CALN1: variants seen among roughly 807,000 people sequenced by gnomAD.
CALN1 encodes the protein calcium-binding protein 8.
Under a neutral mutation model 30.6 loss-of-function variants are expected in CALN1, and 17 were observed. That is an observed-to-expected ratio of 0.56 (90% CI 0.38 to 0.83). The LOEUF (loss-of-function observed/expected upper bound fraction) is 0.83. Ranked by LOEUF, CALN1 falls within the 40% of genes least tolerant of loss-of-function variation. The pLI, the probability that CALN1 is intolerant of heterozygous loss-of-function variation, is 0.00. For synonymous variants in CALN1, 156 were observed against 131.4 expected, an observed-to-expected ratio of 1.19 and a Z score of -1.28; for missense variants, 291 against 354.9, an observed-to-expected ratio of 0.82 and a Z score of 1.45.
chr7:72,319,271 C>T lies in CALN1; in HGVS notation c.120-40461G>A, dbSNP rs536075105. Reference sequence around the variant, plus strand: ...AAAAGAAAGAGGTTCCACAGACTCACGGTTCCACATGGCTGGGGAGGCCTC... The same window carrying T: ...AAAAGAAAGAGGTTCCACAGACTCATGGTTCCACATGGCTGGGGAGGCCTC... On this transcript the variant is annotated intron_variant, in intron 2 of 6. Coordinates refer to ENST00000395275, the MANE Select transcript of CALN1 (RefSeq NM_031468.4). Among the ~76,000 whole-genome samples the T allele has an allele frequency of 7.7e-4, 117 of 152,264 alleles. 1 individual carries two copies. Among genetic ancestry groups the T allele is most frequent in the African/African-American group, 2.5e-3 (105 of 41,552 alleles).
chr7:71,957,243 T>C (rs549024467), intron 5 of CALN1, among the ~76,000 whole-genome samples: 3 of 152,176 alleles, frequency 2.0e-5, no homozygotes, highest in Non-Finnish European at 4.4e-5. Flanking sequence ...TCAGAAAGAT[T>C]GATAGGAGGT....
At chr7:71,792,408 T>A (rs1261871190) in intron 6 of CALN1, among the ~76,000 whole-genome samples, 1 of 152,166 alleles carries the variant, frequency 6.6e-6, no homozygotes, top group Non-Finnish European at 1.5e-5. Context: ...ATCCACTGAT[T>A]TCTGCTTCCC....
intron 6 of CALN1, among the ~76,000 whole-genome samples, chr7:71,793,219 T>C (rs1431428393): frequency 6.6e-6 from 1 of 152,012 alleles, no homozygotes; most frequent in Admixed American, 6.5e-5. Context: ...GGCAGGAGAA[T>C]TGCTTGAACC....
intron 5 of CALN1, among the ~76,000 whole-genome samples, chr7:71,903,415 T>C (rs1562886809): frequency 1.3e-5 from 2 of 152,192 alleles, no homozygotes; most frequent in Admixed American, 6.5e-5. Flanking sequence ...TACAGCCAAC[T>C]GATTTTTGAC....
At chr7:72,405,774 C>T (rs1806654606) in intron 1 of CALN1, among the ~76,000 whole-genome samples, 1 of 152,138 alleles carries the variant, frequency 6.6e-6, no homozygotes, top group Admixed American at 6.5e-5. Context: ...ATGGCAGTCC[C>T]CAGCACCATG....
intron 5 of CALN1, among the ~76,000 whole-genome samples, chr7:71,823,897 T>G (rs960463958): frequency 6.6e-6 from 1 of 152,078 alleles, no homozygotes; most frequent in Non-Finnish European, 1.5e-5. Context: ...AGAGAACTTG[T>G]GCAAAGGGAC....
intron 3 of CALN1, among the ~76,000 whole-genome samples, chr7:72,225,228 G>A (rs1482505917): frequency 1.3e-5 from 2 of 151,940 alleles, no homozygotes; most frequent in Non-Finnish European, 2.9e-5. Flanking sequence ...CGGCTTTCAC[G>A]TCTCTTCCTC....
intron 3 of CALN1, among the ~76,000 whole-genome samples, chr7:72,163,431 T>C (rs1213591136): frequency 3.1e-5 from 4 of 130,526 alleles, no homozygotes; most frequent in Non-Finnish European, 5.0e-5. Flanking sequence ...TGTCACATAG[T>C]GGAAAACACA....
At chr7:72,315,753 A>G (rs1585458511) in intron 2 of CALN1, among the ~76,000 whole-genome samples, 1 of 152,264 alleles carries the variant, frequency 6.6e-6, no homozygotes, top group Non-Finnish European at 1.5e-5. Flanking sequence ...AGACATTGGT[A>G]AGGATGGATA....
intron 5 of CALN1, among the ~76,000 whole-genome samples, chr7:72,012,066 T>C (rs1271579733): frequency 6.6e-6 from 1 of 152,116 alleles, no homozygotes; most frequent in African/African-American, 2.4e-5. Flanking sequence ...TTTGGGAAGG[T>C]TCTATGGAAC....
At position 71,786,768 on chromosome 7, in the gene CALN1, C is replaced by T. The variant is rs1168907306; in HGVS notation, c.*1007G>A. 1 of 152,150 alleles carries T rather than the reference C, an allele frequency of 6.6e-6. No homozygotes were observed. Among genetic ancestry groups the T allele is most frequent in the Non-Finnish European group, 1.5e-5 (1 of 68,038 alleles). 9.4% of individuals were successfully genotyped at this position (152,150 alleles called of 1,614,324 possible). A position where few individuals can be genotyped will look rare whatever the true frequency, so the allele number is the denominator to read the frequency against. ...TTACAAAGGTCATCCGGCATAGAGACGTGGTGGGTCTCCATGACTCCAGAT... is the reference window on the plus strand; with the variant it reads ...TTACAAAGGTCATCCGGCATAGAGATGTGGTGGGTCTCCATGACTCCAGAT... On this transcript the variant is annotated 3_prime_UTR_variant, in exon 7 of 7. Transcript: ENST00000395275.
At chr7:72,160,001 C>T (rs1050685362) in intron 3 of CALN1, among the ~76,000 whole-genome samples, 2 of 152,078 alleles carry the variant, frequency 1.3e-5, no homozygotes, top group African/African-American at 2.4e-5. Context: ...GGTTCCCTTG[C>T]GACTTCCAAA....
the CALN1 span, among the ~76,000 whole-genome samples, chr7:72,484,591 T>C: frequency 1.3e-5 from 2 of 152,192 alleles, no homozygotes; most frequent in African/African-American, 2.4e-5. Context: ...AGCTGAATAG[T>C]TGAGGGTCGC....
intron 3 of CALN1, among the ~76,000 whole-genome samples, chr7:72,219,970 CAAAGTA>C (rs947175717): frequency 2.6e-5 from 4 of 151,734 alleles, no homozygotes; most frequent in African/African-American, 7.3e-5. Flanking sequence ...CACTAGTAGT[CAAAGTA>C]AAACAAAACT....
At chr7:72,109,233 G>A (rs1446156167) in intron 3 of CALN1, among the ~76,000 whole-genome samples, 2 of 152,178 alleles carry the variant, frequency 1.3e-5, no homozygotes, top group African/African-American at 4.8e-5. Flanking sequence ...CCCCAGCAGA[G>A]AGAAGACCAC....
At chr7:72,411,348 CAAAG>C (rs146323609) in intron 1 of CALN1, among the ~76,000 whole-genome samples, 1 of 151,798 alleles carries the variant, frequency 6.6e-6, no homozygotes, top group African/African-American at 2.4e-5. Flanking sequence ...AAAAGAACCA[CAAAG>C]AAATCATACA....
intron 3 of CALN1, among the ~76,000 whole-genome samples, chr7:72,130,422 A>C (rs569537271): frequency 8.5e-5 from 13 of 152,254 alleles, no homozygotes; most frequent in African/African-American, 2.9e-4. Context: ...AAAAAGAAGA[A>C]AGACTAGACC....
intron 2 of CALN1, chr7:72,336,738 C>A (rs1293863575): frequency 3.9e-5 from 38 of 985,376 alleles, no homozygotes; most frequent in Non-Finnish European, 4.6e-5. Context: ...GCCCGGCAGC[C>A]GAGGCGCCTC....
rs573195395 is a variant in CALN1, at chr7:71,780,701, A to G, written c.*7074T>C. On this transcript the variant is annotated 3_prime_UTR_variant, in exon 7 of 7. Transcript: ENST00000395275. Reference sequence around the variant, plus strand: ...GAAGTGCTGTTATAGTGGCCAGAAAAAAAAAAAAGCAAAGAAAGAAATAAC... The same window carrying G: ...GAAGTGCTGTTATAGTGGCCAGAAAGAAAAAAAAGCAAAGAAAGAAATAAC... 6.6e-6 allele frequency: 1 copy of G among 152,194 alleles called. No homozygotes were observed. The highest frequency in any genetic ancestry group is 2.1e-4 in the South Asian group (1 of 4,828). The allele number at this position is 152,194 out of a possible 1,614,324, so 9.4% of individuals were successfully genotyped here.
Sources: gnomAD v4.1 joint callset for allele counts (sites outside exome capture counted in the v4.1 genomes callset) on GRCh38, gnomAD v4.1.1 for gene constraint, MANE v1.5 for transcripts, NCBI Gene and HGNC (gene_info 2026-07-23, HGNC 2026-07-21) for gene names.